ABHD3: variants seen among roughly 807,000 people sequenced by gnomAD.
The protein encoded by ABHD3 is phospholipase ABHD3.
A neutral mutation model predicts 48.8 loss-of-function variants in ABHD3; 46 were observed. The ratio of observed to expected loss-of-function variants is 0.94; its 90% CI spans 0.74 to 1.20. The LOEUF is 1.20. ABHD3 is among the 50% of genes most tolerant of loss of function. The probability of loss-of-function intolerance (pLI) is 0.00; values close to 1 mark genes in which losing one functional copy is unlikely to be tolerated. For synonymous variants in ABHD3, 192 were observed against 183.7 expected, an observed-to-expected ratio of 1.04 and a Z score of -0.36; for missense variants, 490 against 497.8, an observed-to-expected ratio of 0.98 and a Z score of 0.15.
chr18:21,663,666 AC>A, intron 5 of ABHD3: 1 of 1,535,434 alleles, frequency 6.5e-7, no homozygotes, highest in African/African-American at 1.4e-5. Context: ...ACAAAACAAA[AC>A]AAAATACCAC....
At chr18:21,675,573 GGTTTT>G (rs1426621052) in intron 4 of ABHD3, among the ~76,000 whole-genome samples, 13 of 151,882 alleles carry the variant, frequency 8.6e-5, no homozygotes, top group Non-Finnish European at 5.9e-5. Flanking sequence ...AGCCTGAGGT[GGTTTT>G]GTTTTGTTTT....
In ABHD3 at chr18:21,656,995, A is replaced by T; in HGVS notation, c.923T>A (p.Phe308Tyr). The T allele has an allele frequency of 1.9e-6, 3 of 1,614,130 alleles. No homozygotes were observed. Among genetic ancestry groups the T allele is most frequent in the Non-Finnish European group, 2.5e-6 (3 of 1,180,018 alleles). Residue 308 changes from phenylalanine (F) to tyrosine (Y), a missense_variant, in exon 8 of 9, where the codon TTC becomes TAC. Phe to Tyr is a conservative substitution (Grantham distance 22). Coordinates refer to ENST00000289119, the MANE Select transcript of ABHD3 (RefSeq NM_138340.5). ...TTGGTATCCAAACATGACTGAAGTG[A>T]ATCGCTTATCAAACTCTCTGATGGA... ...AKSIREFDKR[F>Y]TSVMFGYQTI...
At chr18:21,702,928 T>C (rs1208967687) in intron 2 of ABHD3, among the ~76,000 whole-genome samples, 4 of 152,174 alleles carry the variant, frequency 2.6e-5, no homozygotes, top group Non-Finnish European at 5.9e-5. Context: ...TACTTCAAGA[T>C]TTTCTTCTGA....
At chr18:21,674,884 T>G (rs2039842229) in intron 4 of ABHD3, among the ~76,000 whole-genome samples, 1 of 151,950 alleles carries the variant, frequency 6.6e-6, no homozygotes, top group African/African-American at 2.4e-5. Context: ...TTTAATCCTT[T>G]CTAAATGCCT....
chr18:21,673,307 T>G (rs890145301), intron 4 of ABHD3, among the ~76,000 whole-genome samples: 4 of 152,192 alleles, frequency 2.6e-5, no homozygotes, highest in Admixed American at 1.3e-4. Context: ...GATCAATATT[T>G]TTTGAGATGG....
At chr18:21,695,245 G>C (rs551021943) in intron 3 of ABHD3, among the ~76,000 whole-genome samples, 35 of 152,312 alleles carry the variant, frequency 2.3e-4, no homozygotes, top group African/African-American at 8.4e-4. Context: ...GGCCAGGCTG[G>C]TTTCGAACTC....
chr18:21,659,260 G>A lies in ABHD3; in HGVS notation c.752C>T (p.Thr251Ile), dbSNP rs772301759. The A allele has an allele frequency of 1.2e-6, 2 of 1,613,964 alleles. No individual in the cohort carries two copies. Among genetic ancestry groups the A allele is most frequent in the South Asian group, 1.1e-5 (1 of 91,032 alleles). Reference sequence around the variant, plus strand: ...TTCCAATGACTCTGAGCAAGCGAAGGTGTTCCAACCAACGGAAAAAGTTGC... The same window carrying A: ...TTCCAATGACTCTGAGCAAGCGAAGATGTTCCAACCAACGGAAAAAGTTGC... ...AAATFSVGWNTFACSESLEKP... is the reference protein window; with the variant it reads ...AAATFSVGWNIFACSESLEKP... The change falls in exon 6 of 9, where the codon ACC becomes ATC. Residue 251 changes from threonine to isoleucine, a missense_variant. Coordinates refer to ENST00000289119, the MANE Select transcript of ABHD3 (RefSeq NM_138340.5).
intron 3 of ABHD3, among the ~76,000 whole-genome samples, chr18:21,687,855 G>A (rs1272385227): frequency 1.3e-5 from 2 of 152,196 alleles, no homozygotes; most frequent in East Asian, 3.8e-4. Context: ...ATAATTCTTT[G>A]TAGCAGTGCT....
intron 8 of ABHD3, among the ~76,000 whole-genome samples, chr18:21,656,326 C>T (rs368895051): frequency 6.6e-6 from 1 of 152,068 alleles, no homozygotes; most frequent in East Asian, 1.9e-4. Flanking sequence ...AGGCACACAC[C>T]ACCATGCCCA....
intron 4 of ABHD3, among the ~76,000 whole-genome samples, chr18:21,672,370 C>G (rs1293376673): frequency 6.6e-6 from 1 of 152,162 alleles, no homozygotes; most frequent in Non-Finnish European, 1.5e-5. Flanking sequence ...CTGAACTAAG[C>G]TATCGAGAAT....
chr18:21,656,849 T>C lies in ABHD3; in HGVS notation c.1057+12A>G, dbSNP rs2039362440. 3.8e-6 allele frequency: 6 copies of C among 1,572,152 alleles called. No homozygotes were observed. Among genetic ancestry groups the C allele is most frequent in the South Asian group, 1.2e-5 (1 of 85,292 alleles). On this transcript the variant is annotated intron_variant, in intron 8 of 8. Transcript: ENST00000289119. ...ATTCATGTCAAAATATATACAAATA[T>C]GTTAATTTTACCATGACTGGGTGAG...
intron 3 of ABHD3, among the ~76,000 whole-genome samples, chr18:21,688,791 C>T (rs975014273): frequency 2.6e-5 from 4 of 152,008 alleles, no homozygotes; most frequent in African/African-American, 9.7e-5. Context: ...CAGCAAAAGG[C>T]AAGTGTGAGA....
intron 1 of ABHD3, 49 bp downstream of exon 1, chr18:21,704,455 C>G (rs1938930391): frequency 1.5e-6 from 2 of 1,306,732 alleles, no homozygotes; most frequent in African/African-American, 3.1e-5. Context: ...CGCCTGCTAC[C>G]CTAGCTCCTG....
chr18:21,656,968 G>C lies in ABHD3; in HGVS notation c.950C>G (p.Thr317Arg). The C allele has an allele frequency of 4.3e-6, 7 of 1,614,036 alleles. No individual in the cohort carries two copies. The highest frequency in any genetic ancestry group is 5.9e-6 in the Non-Finnish European group (7 of 1,180,000). ...GGCATCAGTATAATAATCATCAATTGTTTGGTATCCAAACATGACTGAAGT... is the reference window on the plus strand; with the variant it reads ...GGCATCAGTATAATAATCATCAATTCTTTGGTATCCAAACATGACTGAAGT... ...RFTSVMFGYQ[T>R]IDDYYTDASP... Residue 317 changes from threonine (T) to arginine (R), a missense_variant, in exon 8 of 9, where the codon ACA becomes AGA. Thr to Arg is a moderately conservative substitution (Grantham distance 71, BLOSUM62 -1). Coordinates refer to ENST00000289119, the MANE Select transcript of ABHD3 (RefSeq NM_138340.5).
chr18:21,666,341 GTA>G (rs1568143370), intron 4 of ABHD3, among the ~76,000 whole-genome samples: 1 of 152,078 alleles, frequency 6.6e-6, no homozygotes, highest in Admixed American at 6.6e-5. Flanking sequence ...CTACAGGTAC[GTA>G]CCACCACGCC....
At chr18:21,685,177 T>C (rs942310632) in intron 3 of ABHD3, among the ~76,000 whole-genome samples, 1 of 152,222 alleles carries the variant, frequency 6.6e-6, no homozygotes, top group Admixed American at 6.5e-5. Flanking sequence ...TTAAAATTCA[T>C]TTAGTTTTTG....
At chr18:21,669,074 A>G (rs565283072) in intron 4 of ABHD3, among the ~76,000 whole-genome samples, 2 of 152,108 alleles carry the variant, frequency 1.3e-5, no homozygotes, top group Non-Finnish European at 1.5e-5. Flanking sequence ...AAAAACAACA[A>G]CAACAAAAAA....
intron 8 of ABHD3, among the ~76,000 whole-genome samples, chr18:21,654,669 GC>G: frequency 6.6e-6 from 1 of 152,288 alleles, no homozygotes; most frequent in East Asian, 1.9e-4. Context: ...ATTATCAAGA[GC>G]CTAAACTTCA....
chr18:21,656,049 G>C (rs2039341247), intron 8 of ABHD3, among the ~76,000 whole-genome samples: 1 of 151,990 alleles, frequency 6.6e-6, no homozygotes, highest in African/African-American at 2.4e-5. Flanking sequence ...CCAGCTACTT[G>C]GGAGGCTGAG....
Sources: allele counts gnomAD v4.1 joint callset (sites outside exome capture counted in the v4.1 genomes callset), GRCh38; gene constraint gnomAD v4.1.1; transcripts MANE v1.5; gene names NCBI Gene and HGNC (gene_info 2026-07-23, HGNC 2026-07-21).